SYT14: variants seen among roughly 807,000 people sequenced by gnomAD.
The protein encoded by SYT14 is synaptotagmin 14.
In SYT14, 32 loss-of-function variants were observed where a neutral mutation model predicts 74.2. The observed-to-expected ratio is 0.43, with a 90% CI of 0.33 to 0.58. The LOEUF (loss-of-function observed/expected upper bound fraction) is 0.58, where lower values mean the gene tolerates loss of function less well. Among genes scored for constraint, SYT14 ranks in the 20% least tolerant of loss-of-function variants. The probability of loss-of-function intolerance (pLI) is 0.05; values close to 1 mark genes in which losing one functional copy is unlikely to be tolerated. For missense variants in SYT14, 791 were observed against 981.8 expected, an observed-to-expected ratio of 0.81 and a Z score of 2.60; for synonymous variants, 298 against 337.7, an observed-to-expected ratio of 0.88 and a Z score of 1.29.
intron 5 of SYT14, among the ~76,000 whole-genome samples, chr1:210,058,608 T>C (rs904646591): frequency 2.0e-5 from 3 of 152,140 alleles, no homozygotes; most frequent in African/African-American, 7.2e-5. Flanking sequence ...GAGGCTGAGA[T>C]GAAGCTGAAT....
intron 5 of SYT14, among the ~76,000 whole-genome samples, chr1:210,024,213 A>G (rs2080362657): frequency 6.6e-6 from 1 of 152,188 alleles, no homozygotes. Flanking sequence ...GTTTTTTACT[A>G]AGGAACCATA....
chr1:210,048,661 G>A lies in SYT14; in HGVS notation c.1312+27407G>A, dbSNP rs149472187. Among the ~76,000 whole-genome samples, 868 of 152,084 alleles carry A rather than the reference G, an allele frequency of 5.7e-3. 7 individuals carry two copies. The highest frequency in any genetic ancestry group is 0.012 in the Admixed American group (190 of 15,274). On this transcript the variant is annotated intron_variant, in intron 5 of 9. Coordinates refer to ENST00000637265, the Ensembl canonical transcript of SYT14. The stretch of plus-strand genomic sequence containing the variant: ...GGACATAGCCAAACCACGTCATTTC[G>A]CCCCTGGCCCCTCCCAAATCTCATA...
At chr1:209,938,426 C>T (rs1165850460) in intron 1 of SYT14, 149 bp downstream of exon 1, 30 of 667,876 alleles carry the variant, frequency 4.5e-5, no homozygotes, top group Non-Finnish European at 5.8e-5. Context: ...GGCCGCGTCT[C>T]GGGAGGCGGG....
chr1:209,952,424 C>G (rs541233476), intron 1 of SYT14, among the ~76,000 whole-genome samples: 2 of 152,192 alleles, frequency 1.3e-5, no homozygotes, highest in African/African-American at 4.8e-5. Flanking sequence ...TGAAGAGATG[C>G]TTGGGAAATA....
chr1:210,057,045 A>G (rs192561430), intron 5 of SYT14, among the ~76,000 whole-genome samples: 50 of 151,970 alleles, frequency 3.3e-4, no homozygotes, highest in African/African-American at 1.1e-3. Context: ...GGGTTTTGCC[A>G]TGTTGGCCAG....
intron 2 of SYT14, among the ~76,000 whole-genome samples, chr1:209,971,199 T>C (rs940706757): frequency 2.0e-5 from 3 of 152,192 alleles, no homozygotes; most frequent in South Asian, 2.1e-4. Context: ...ATTATAAGTG[T>C]ATAGAAATGC....
chr1:210,120,869 G>A (rs953244524), intron 7 of SYT14, among the ~76,000 whole-genome samples: 34 of 152,136 alleles, frequency 2.2e-4, no homozygotes, highest in African/African-American at 8.2e-4. Context: ...CTGTGTTAAA[G>A]TTAAGAAAAA....
At chr1:210,135,992 G>C (rs1217047687) in intron 7 of SYT14, among the ~76,000 whole-genome samples, 1 of 152,148 alleles carries the variant, frequency 6.6e-6, no homozygotes, top group Non-Finnish European at 1.5e-5. Flanking sequence ...GCCATAGGTA[G>C]TTTGGGATTC....
exon 10 of SYT14, chr1:210,169,891 G>A (rs867859022): frequency 1.3e-5 from 2 of 151,988 alleles, no homozygotes; most frequent in African/African-American, 4.8e-5. Context: ...AGCTCAATTA[G>A]TGGAATCTTT....
At chr1:210,119,306 C>T (rs2082414949) in intron 7 of SYT14, among the ~76,000 whole-genome samples, 1 of 152,046 alleles carries the variant, frequency 6.6e-6, no homozygotes, top group African/African-American at 2.4e-5. Context: ...CTGGGAAATA[C>T]TAATTGCAAA....
chr1:210,130,768 A>G (rs2082657257), intron 7 of SYT14, among the ~76,000 whole-genome samples: 2 of 152,198 alleles, frequency 1.3e-5, no homozygotes, highest in Admixed American at 6.5e-5. Flanking sequence ...TGCTTTTAAT[A>G]CTCTATGAGG....
chr1:210,110,868 C>T (rs1375825430), intron 7 of SYT14, among the ~76,000 whole-genome samples: 1 of 152,168 alleles, frequency 6.6e-6, no homozygotes, highest in Non-Finnish European at 1.5e-5. Context: ...CCTCAGCCTC[C>T]CGAGTAGCTG....
At chr1:210,162,676 C>G (rs749192017) in exon 10 of SYT14, 13 of 448,048 alleles carry the variant, frequency 2.9e-5, no homozygotes, top group South Asian at 2.1e-4. Context: ...TTGTTATTAC[C>G]ATAATAACAA....
In SYT14 at chr1:210,038,126, T is replaced by C. The variant is rs77757121; in HGVS notation, c.1312+16872T>C. 2.0e-4 allele frequency among the ~76,000 whole-genome samples: 30 copies of C among 152,154 alleles called. No individual in the cohort carries two copies. The East Asian group carries it at 5.8e-3, about 29-fold the overall frequency. ...AATCTGGGTGCATATAAATTTCGGATTGTTACATCTTGTTGAATTGACCGC... is the reference window on the plus strand; with the variant it reads ...AATCTGGGTGCATATAAATTTCGGACTGTTACATCTTGTTGAATTGACCGC... On this transcript the variant is annotated intron_variant, in intron 5 of 9. Coordinates refer to ENST00000637265, the Ensembl canonical transcript of SYT14.
At chr1:210,125,079 T>A (rs575287913) in intron 7 of SYT14, among the ~76,000 whole-genome samples, 1 of 152,142 alleles carries the variant, frequency 6.6e-6, no homozygotes, top group Non-Finnish European at 1.5e-5. Flanking sequence ...TTTTTTTTTT[T>A]AGATTCAGGG....
chr1:210,066,639 G>A (rs1294045090), intron 5 of SYT14, among the ~76,000 whole-genome samples: 1 of 152,074 alleles, frequency 6.6e-6, no homozygotes, highest in Non-Finnish European at 1.5e-5. Flanking sequence ...GTTGTCAGAT[G>A]AGTAGGTTGC....
chr1:210,073,230 A>T (rs1230497174), intron 5 of SYT14, among the ~76,000 whole-genome samples: 1 of 152,004 alleles, frequency 6.6e-6, no homozygotes, highest in African/African-American at 2.4e-5. Flanking sequence ...AAGATTTTTT[A>T]AAATGTAAGC....
chr1:209,981,507 A>C (rs2079487045), intron 2 of SYT14, among the ~76,000 whole-genome samples: 1 of 131,830 alleles, frequency 7.6e-6, no homozygotes, highest in Non-Finnish European at 1.5e-5. Flanking sequence ...GCTAGAGAGC[A>C]GTGTTGCAAT....
chr1:210,165,494 G>C (rs2083446516), exon 10 of SYT14: 1 of 152,044 alleles, frequency 6.6e-6, no homozygotes, highest in South Asian at 2.1e-4. Flanking sequence ...TCTGCTCCTT[G>C]ACCACTTTTA....
Sources: allele counts gnomAD v4.1 joint callset (sites outside exome capture counted in the v4.1 genomes callset), GRCh38; gene constraint gnomAD v4.1.1; transcripts MANE v1.5; gene names NCBI Gene and HGNC (gene_info 2026-07-23, HGNC 2026-07-21).